Variants in NR3C1 observed in about 807,000 individuals in gnomAD.
NR3C1 encodes the protein glucocorticoid receptor.
A neutral mutation model predicts 74.0 loss-of-function variants in NR3C1; 14 were observed. The observed-to-expected ratio is 0.19, with a 90% CI of 0.12 to 0.30. NR3C1 has a LOEUF of 0.30. Ranked by LOEUF, NR3C1 falls within the 10% of genes least tolerant of loss-of-function variation. The pLI, the probability that NR3C1 is intolerant of heterozygous loss-of-function variation, is 1.00. For missense variants in NR3C1, 695 were observed against 909.8 expected, an observed-to-expected ratio of 0.76 and a Z score of 3.04; for synonymous variants, 308 against 332.5, an observed-to-expected ratio of 0.93 and a Z score of 0.80.
intron 4 of NR3C1, among the ~76,000 whole-genome samples, chr5:143,308,447 A>G (rs1376605053): frequency 6.6e-6 from 1 of 152,136 alleles, no homozygotes; most frequent in African/African-American, 2.4e-5. Flanking sequence ...CTGGGTGACA[A>G]GAGTTAGACT....
chr5:143,432,514 C>G (rs1390154095), intron 1 of NR3C1, among the ~76,000 whole-genome samples: 1 of 152,130 alleles, frequency 6.6e-6, no homozygotes, highest in Non-Finnish European at 1.5e-5. Flanking sequence ...CGTCAGCACC[C>G]TTAGGCATTT....
intron 4 of NR3C1, among the ~76,000 whole-genome samples, chr5:143,301,327 T>TG (rs1443957075): frequency 1.3e-5 from 2 of 152,162 alleles, no homozygotes; most frequent in Non-Finnish European, 2.9e-5. Context: ...ATAGTATTAG[T>TG]TCTACCAGTA....
chr5:143,387,695 T>C (rs1837495920), intron 2 of NR3C1, among the ~76,000 whole-genome samples: 1 of 152,206 alleles, frequency 6.6e-6, no homozygotes, highest in Non-Finnish European at 1.5e-5. Context: ...CATTGCCATA[T>C]TAGGTTGAAC....
chr5:143,335,642 C>A (rs1002834068), intron 2 of NR3C1, among the ~76,000 whole-genome samples: 1 of 152,192 alleles, frequency 6.6e-6, no homozygotes, highest in Admixed American at 6.5e-5. Flanking sequence ...GGCTAATTTG[C>A]ACCTTGCTTT....
At chr5:143,361,011 T>C (rs1832132933) in intron 2 of NR3C1, among the ~76,000 whole-genome samples, 2 of 152,198 alleles carry the variant, frequency 1.3e-5, no homozygotes, top group Non-Finnish European at 2.9e-5. Context: ...AGAACAGGAA[T>C]GAGATAAAAT....
At chr5:143,295,083 C>T (rs1319165514) in intron 7 of NR3C1, 3 of 985,236 alleles carry the variant, frequency 3.0e-6, no homozygotes, top group South Asian at 4.7e-5. Context: ...CATGCTAATA[C>T]TCATTAGGAA....
chr5:143,399,839 T>C lies in NR3C1; in HGVS notation c.1001A>G (p.Tyr334Cys), dbSNP rs780684515. ...VSTSGGQMYH[Y>C]DMNTASLSQQ... ...AGAAAGGGATGCTGTATTCATGTCA[T>C]AGTGGTACATCTGTCCTCCAGAGGT... is the stretch of plus-strand genomic sequence containing the variant. Residue 334 changes from tyrosine to cysteine, a missense_variant, in exon 2 of 9, where the codon TAT (tyrosine) becomes TGT (cysteine). Around this residue, in one of 4 missense-constraint regions of NR3C1, gnomAD observed 497 missense variants for 489.5 expected, o/e 1.02. Transcript: ENST00000394464. The C allele has an allele frequency of 1.6e-5, 26 of 1,614,056 alleles. No homozygotes were observed. Among genetic ancestry groups the C allele is most frequent in the South Asian group, 4.4e-5 (4 of 91,090 alleles).
intron 5 of NR3C1, among the ~76,000 whole-genome samples, chr5:143,299,942 G>A (rs1818157267): frequency 6.6e-6 from 1 of 152,210 alleles, no homozygotes; most frequent in Admixed American, 6.5e-5. Flanking sequence ...TAAAGTCAGA[G>A]CTGACACTAA....
At chr5:143,409,508 C>A (rs1329586354) in intron 1 of NR3C1, among the ~76,000 whole-genome samples, 1 of 152,166 alleles carries the variant, frequency 6.6e-6, no homozygotes, top group African/African-American at 2.4e-5. Flanking sequence ...ACACAAACAG[C>A]TTTTATTGGT....
chr5:143,349,069 C>G (rs765803071), intron 2 of NR3C1, among the ~76,000 whole-genome samples: 3 of 152,138 alleles, frequency 2.0e-5, no homozygotes, highest in African/African-American at 7.2e-5. Flanking sequence ...ACAGATTTCT[C>G]TCTTCTTAGT....
intron 2 of NR3C1, among the ~76,000 whole-genome samples, chr5:143,368,006 G>T (rs1220353358): frequency 6.6e-6 from 1 of 152,164 alleles, no homozygotes; most frequent in Non-Finnish European, 1.5e-5. Flanking sequence ...TTTGTACAAA[G>T]ATGTAATAAT....
chr5:143,418,301 C>G (rs1241129462), intron 1 of NR3C1, among the ~76,000 whole-genome samples: 1 of 152,182 alleles, frequency 6.6e-6, no homozygotes, highest in Non-Finnish European at 1.5e-5. Context: ...ACGTAGCAGA[C>G]AAAGCACTGG....
intron 3 of NR3C1, among the ~76,000 whole-genome samples, chr5:143,311,787 CG>C (rs1212698569): frequency 2.9e-5 from 4 of 136,196 alleles, no homozygotes; most frequent in Non-Finnish European, 3.1e-5. Flanking sequence ...GCCTGGATAA[CG>C]TTTTTTTTTT....
chr5:143,290,955 G>GT, intron 7 of NR3C1, among the ~76,000 whole-genome samples: 1 of 152,022 alleles, frequency 6.6e-6, no homozygotes, highest in Non-Finnish European at 1.5e-5. Context: ...TCATGCCCTT[G>GT]TTTATGCATT....
intron 2 of NR3C1, among the ~76,000 whole-genome samples, chr5:143,351,417 T>C (rs1032180312): frequency 6.6e-6 from 1 of 152,108 alleles, no homozygotes; most frequent in Non-Finnish European, 1.5e-5. Context: ...TTTAAAAAAA[T>C]TAAAGCCATT....
intron 2 of NR3C1, among the ~76,000 whole-genome samples, chr5:143,322,229 TAA>T (rs1823538407): frequency 6.6e-6 from 1 of 152,228 alleles, no homozygotes; most frequent in Non-Finnish European, 1.5e-5. Context: ...TTGAGTTGCC[TAA>T]AGTGATCTAA....
At chr5:143,385,331 G>A (rs954637990) in intron 2 of NR3C1, among the ~76,000 whole-genome samples, 2 of 152,152 alleles carry the variant, frequency 1.3e-5, no homozygotes, top group Admixed American at 6.5e-5. Flanking sequence ...ATTAACATTA[G>A]GCTACTCTTC....
At chr5:143,294,278 G>A in intron 7 of NR3C1, 1 of 972,686 alleles carries the variant, frequency 1.0e-6, no homozygotes, top group Non-Finnish European at 1.2e-6. Flanking sequence ...AATTGCAAAT[G>A]TACTTATTTG....
At chr5:143,372,204 T>C (rs1834351358) in intron 2 of NR3C1, among the ~76,000 whole-genome samples, 1 of 152,204 alleles carries the variant, frequency 6.6e-6, no homozygotes, top group African/African-American at 2.4e-5. Flanking sequence ...TGATTTCTTT[T>C]CTTTATATAT....
Sources: allele counts gnomAD v4.1 joint callset (sites outside exome capture counted in the v4.1 genomes callset), GRCh38; gene constraint gnomAD v4.1.1; regional missense constraint gnomAD v4.1.1; transcripts MANE v1.5; gene names NCBI Gene and HGNC (gene_info 2026-07-23, HGNC 2026-07-21).